KIAA1328: variants seen among roughly 807,000 people sequenced by gnomAD.
KIAA1328 encodes protein hinderin.
A neutral mutation model predicts 68.1 loss-of-function variants in KIAA1328; 52 were observed. The observed-to-expected ratio is 0.76, with a 90% CI of 0.61 to 0.96. KIAA1328 has a LOEUF of 0.96. Ranked by LOEUF, KIAA1328 falls within the 40% of genes least tolerant of loss-of-function variation. The pLI is 0.00. For missense variants in KIAA1328, 641 were observed against 677.6 expected (o/e 0.95, Z 0.60); for synonymous variants, 232 against 239.4 (o/e 0.97, Z 0.28).
chr18:36,845,206 T>A (rs2046987181), intron 4 of KIAA1328, among the ~76,000 whole-genome samples: 1 of 151,814 alleles, frequency 6.6e-6, no homozygotes, highest in African/African-American at 2.4e-5. Context: ...TAGTCTGAAT[T>A]TGATATGCTA....
chr18:36,888,369 T>C (rs1484880943), intron 5 of KIAA1328, among the ~76,000 whole-genome samples: 1 of 152,218 alleles, frequency 6.6e-6, no homozygotes, highest in Non-Finnish European at 1.5e-5. Context: ...TCATGATTTA[T>C]CTTATAAGCT....
chr18:36,872,159 G>T (rs2047967702), intron 4 of KIAA1328, among the ~76,000 whole-genome samples: 1 of 152,124 alleles, frequency 6.6e-6, no homozygotes, highest in Non-Finnish European at 1.5e-5. Context: ...TGGTGCTGGG[G>T]CTGGGTCCAG....
chr18:37,067,639 C>G (rs2056391253), intron 7 of KIAA1328, 94 bp downstream of exon 7: 1 of 1,271,402 alleles, frequency 7.9e-7, no homozygotes, highest in African/African-American at 1.5e-5. Context: ...CAGCTCACTG[C>G]AGCCTCCGCC....
At chr18:36,900,701 C>T (rs1223714733) in intron 5 of KIAA1328, among the ~76,000 whole-genome samples, 1 of 151,940 alleles carries the variant, frequency 6.6e-6, no homozygotes, top group East Asian at 1.9e-4. Context: ...CATTTCTAAA[C>T]AGTGATGTTT....
chr18:36,944,434 C>T (rs1248946393), intron 5 of KIAA1328, among the ~76,000 whole-genome samples: 6 of 152,136 alleles, frequency 3.9e-5, no homozygotes, highest in East Asian at 1.9e-4. Context: ...AAAATATTAG[C>T]CAGGCATGGT....
At chr18:36,954,128 G>T (rs966110630) in intron 5 of KIAA1328, among the ~76,000 whole-genome samples, 1 of 150,040 alleles carries the variant, frequency 6.7e-6, no homozygotes, top group East Asian at 2.0e-4. Flanking sequence ...TCAGTCTCCC[G>T]AGTAGCTGGG....
chr18:36,845,321 ATTGTTATCCTCAGTAT>A (rs2046991460), intron 4 of KIAA1328, among the ~76,000 whole-genome samples: 1 of 151,720 alleles, frequency 6.6e-6, no homozygotes, highest in African/African-American at 2.4e-5. Context: ...AAAACATTTC[ATTGTTATCCTCAGTAT>A]TTGAAGGTGA....
chr18:37,219,777 C>A (rs778588315), intron 9 of KIAA1328, among the ~76,000 whole-genome samples: 2 of 152,204 alleles, frequency 1.3e-5, no homozygotes, highest in Non-Finnish European at 1.5e-5. Flanking sequence ...CGACCCCTTG[C>A]GCTTCCTGGG....
intron 6 of KIAA1328, among the ~76,000 whole-genome samples, chr18:37,042,335 T>C (rs1295490172): frequency 6.6e-6 from 1 of 152,230 alleles, no homozygotes; most frequent in Non-Finnish European, 1.5e-5. Context: ...TTCTGTAGAC[T>C]CAAGTAACTG....
At chr18:37,028,075 A>T (rs950649026) in intron 6 of KIAA1328, among the ~76,000 whole-genome samples, 1 of 152,220 alleles carries the variant, frequency 6.6e-6, no homozygotes, top group Non-Finnish European at 1.5e-5. Flanking sequence ...TCAAAAGAAG[A>T]CATTTATGCA....
At chr18:37,001,248 A>T (rs972017619) in intron 6 of KIAA1328, among the ~76,000 whole-genome samples, 12 of 152,146 alleles carry the variant, frequency 7.9e-5, no homozygotes, top group African/African-American at 2.7e-4. Context: ...TAATAACTAT[A>T]TGCTGAAAAA....
intron 4 of KIAA1328, among the ~76,000 whole-genome samples, chr18:36,845,777 A>C (rs980069684): frequency 6.6e-6 from 1 of 151,762 alleles, no homozygotes; most frequent in Non-Finnish European, 1.5e-5. Context: ...TAAACCATGC[A>C]TGTATGTTCA....
At chr18:36,932,823 G>T (rs943783465) in intron 5 of KIAA1328, among the ~76,000 whole-genome samples, 4 of 152,132 alleles carry the variant, frequency 2.6e-5, no homozygotes, top group African/African-American at 9.7e-5. Context: ...TTCTCCATAG[G>T]CATCAGTACC....
At chr18:36,883,969 T>TATATATATATATATATAC (rs1032694969) in intron 4 of KIAA1328, among the ~76,000 whole-genome samples, 26 of 148,802 alleles carry the variant, frequency 1.7e-4, no homozygotes, top group African/African-American at 5.0e-4. Context: ...TATATATATA[T>TATATATATATATATATAC]ACACACACAG....
intron 6 of KIAA1328, among the ~76,000 whole-genome samples, chr18:36,978,083 A>G (rs1307653500): frequency 6.6e-6 from 1 of 152,130 alleles, no homozygotes; most frequent in Non-Finnish European, 1.5e-5. Context: ...GCGCCTGGCC[A>G]AGATTTATTA....
At chr18:36,987,554 T>C (rs1381005281) in intron 6 of KIAA1328, among the ~76,000 whole-genome samples, 1 of 151,830 alleles carries the variant, frequency 6.6e-6, no homozygotes, top group Non-Finnish European at 1.5e-5. Flanking sequence ...ATATACTGTA[T>C]AATTCTATTA....
chr18:36,866,932 A>G (rs1046856748), intron 4 of KIAA1328, among the ~76,000 whole-genome samples: 1 of 152,204 alleles, frequency 6.6e-6, no homozygotes, highest in African/African-American at 2.4e-5. Context: ...CACTAACACT[A>G]TTTTGGAGAA....
At chr18:37,188,826 T>C (rs1297239581) in intron 9 of KIAA1328, among the ~76,000 whole-genome samples, 3 of 152,248 alleles carry the variant, frequency 2.0e-5, no homozygotes, top group African/African-American at 4.8e-5. Context: ...CATAGCAGGA[T>C]TATAACATTA....
intron 6 of KIAA1328, among the ~76,000 whole-genome samples, chr18:37,032,963 A>C: frequency 6.6e-6 from 1 of 152,152 alleles, no homozygotes. Context: ...AATAAATGAT[A>C]TTCTGCCGTC....
Sources: allele counts gnomAD v4.1 joint callset (sites outside exome capture counted in the v4.1 genomes callset), GRCh38; gene constraint gnomAD v4.1.1; transcripts MANE v1.5; gene names NCBI Gene and HGNC (gene_info 2026-07-23, HGNC 2026-07-21).